PCNX4: variants seen among roughly 807,000 people sequenced by gnomAD.
PCNX4 encodes pecanex 4, also known as pecanex-like protein 4.
In PCNX4, 103 loss-of-function variants were observed where a neutral mutation model predicts 107.2. The ratio of observed to expected loss-of-function variants is 0.96; its 90% CI spans 0.82 to 1.13. The LOEUF (loss-of-function observed/expected upper bound fraction) is 1.13. PCNX4 is among the 50% of genes most tolerant of loss of function. PCNX4 has a pLI of 0.00. For synonymous variants in PCNX4, 541 were observed against 481.7 expected, an observed-to-expected ratio of 1.12 and a Z score of -1.61; for missense variants, 1,528 against 1,379.4, an observed-to-expected ratio of 1.11 and a Z score of -1.71.
At position 60,142,537 on chromosome 14, in the gene PCNX4, A is replaced by T. The variant is rs182048489; in HGVS notation, c.*8316A>T. 69 of 152,300 alleles carry T rather than the reference A, an allele frequency of 4.5e-4. No homozygotes were observed. The highest frequency in any genetic ancestry group is 3.4e-3 in the Middle Eastern group (1 of 294). The allele number at this position is 152,300 out of a possible 1,614,324, so 9.4% of individuals were successfully genotyped here. A position where few individuals can be genotyped will look rare whatever the true frequency, so the allele number is the denominator to read the frequency against. On this transcript the variant is annotated 3_prime_UTR_variant, in exon 11 of 11. Coordinates refer to ENST00000406854, the MANE Select transcript of PCNX4 (RefSeq NM_001330177.2). This position sits in a 1 kb window ranked among gnomAD's most constrained non-coding sequence, Gnocchi z 4.7. ...ATTGATGCCGAGTAATAAATACTTT[A>T]AAAAAAGTTAAATGTGAACATTTGG...
Position 60,128,276 on chromosome 14 carries a change from G to A in PCNX4, c.3267+2453G>A, listed in dbSNP as rs527558696. On this transcript the variant is annotated intron_variant, in intron 10 of 10. Transcript: ENST00000406854. Reference sequence around the variant, plus strand: ...CTTTAGAATAAATGCAAAGAGATCCGCAGGCAAATACATCATAGTAAAAAT... The same window carrying A: ...CTTTAGAATAAATGCAAAGAGATCCACAGGCAAATACATCATAGTAAAAAT... Among the ~76,000 whole-genome samples, 10 of 152,228 alleles carry A rather than the reference G, an allele frequency of 6.6e-5. No individual in the cohort carries two copies. The East Asian group carries it at 1.7e-3, about 26-fold the overall frequency.
intron 8 of PCNX4, 65 bp downstream of exon 8, chr14:60,121,364 G>A (rs1168005257): frequency 7.3e-6 from 11 of 1,500,856 alleles, no homozygotes; most frequent in Non-Finnish European, 9.1e-6. Context: ...TACCTGTTAT[G>A]TTCACATCAA....
In PCNX4 at chr14:60,115,835, GT is replaced by G; in HGVS notation, c.1458+19del. 1 of 1,601,456 alleles carries G rather than the reference GT, an allele frequency of 6.2e-7. No homozygotes were observed. The highest frequency in any genetic ancestry group is 1.3e-5 in the African/African-American group (1 of 74,604). On this transcript the variant is annotated intron_variant, in intron 5 of 10. Coordinates refer to ENST00000406854, the MANE Select transcript of PCNX4 (RefSeq NM_001330177.2). ...CTTTAGAATGGTAATCCTAATATGT[GT>G]TTAATAGTATTTTCCTATTGCTAAG...
At chr14:60,119,258 T>A (rs1439817599) in intron 7 of PCNX4, among the ~76,000 whole-genome samples, 1 of 152,214 alleles carries the variant, frequency 6.6e-6, no homozygotes, top group Non-Finnish European at 1.5e-5. Flanking sequence ...AGGTTTTTGA[T>A]GACAGTAAAC....
In PCNX4 at chr14:60,125,794, T is replaced by C. The variant is rs563198065; in HGVS notation, c.3238T>C (p.Leu1080=). ...KEAILQEKPY[L]FSLGYDSNMG... is the part of the protein sequence containing the mutation. ...AGCAATTTTACAAGAAAAGCCATAC[T>C]TGTTTTCTCTGGGGTATGATTCTAA... The change falls in exon 10 of 11, where the codon TTG becomes CTG. Residue 1080 remains leucine, a synonymous_variant. Transcript: ENST00000406854. 6.2e-7 allele frequency: 1 copy of C among 1,609,676 alleles called. No homozygotes were observed. The highest frequency in any genetic ancestry group is 8.5e-7 in the Non-Finnish European group (1 of 1,178,240).
rs746337395 is a variant in PCNX4 at position 60,144,988 on chromosome 14, A to C, written c.*10767A>C. On this transcript the variant is annotated 3_prime_UTR_variant, in exon 11 of 11. Coordinates refer to ENST00000406854, the MANE Select transcript of PCNX4 (RefSeq NM_001330177.2). ...TTTTCAGTCATGTTTTGTCTTAAAG[A>C]TTTTAAAATAAGAAGAGTCTGCATC... 1 of 1,602,576 alleles carries C rather than the reference A, an allele frequency of 6.2e-7. No homozygotes were observed. The highest frequency in any genetic ancestry group is 8.5e-7 in the Non-Finnish European group (1 of 1,176,864).
intron 1 of PCNX4, among the ~76,000 whole-genome samples, chr14:60,097,115 A>G (rs1030965265): frequency 2.6e-5 from 4 of 152,202 alleles, no homozygotes; most frequent in African/African-American, 7.2e-5. Context: ...AGTCCTATGA[A>G]CTGAAAACTA....
intron 1 of PCNX4, among the ~76,000 whole-genome samples, chr14:60,100,579 A>G (rs1454179918): frequency 1.3e-5 from 2 of 152,222 alleles, no homozygotes; most frequent in African/African-American, 2.4e-5. Context: ...GATTACAGGC[A>G]TGAGCCACCG....
At chr14:60,111,650 T>C (rs1048282812) in intron 2 of PCNX4, among the ~76,000 whole-genome samples, 3 of 152,196 alleles carry the variant, frequency 2.0e-5, no homozygotes, top group Admixed American at 6.5e-5. Context: ...CCTAGGTTCT[T>C]TAATTTTAAA....
At position 60,147,507 on chromosome 14, in the gene PCNX4, T is replaced by G. The variant is rs983087786; in HGVS notation, c.*13286T>G. ...ATACCTTAAATATATATAATTTTTATGTGTCAATTATAAAGAAAATCTTTG... is the reference window on the plus strand; with the variant it reads ...ATACCTTAAATATATATAATTTTTAGGTGTCAATTATAAAGAAAATCTTTG... On this transcript the variant is annotated 3_prime_UTR_variant, in exon 11 of 11. Transcript: ENST00000406854. The G allele has an allele frequency of 3.3e-5, 5 of 152,188 alleles. No homozygotes were observed. The highest frequency in any genetic ancestry group is 2.0e-4 in the Admixed American group (3 of 15,278). 9.4% of individuals were successfully genotyped at this position (152,188 alleles called of 1,614,324 possible). A position where few individuals can be genotyped will look rare whatever the true frequency, so the allele number is the denominator to read the frequency against.
chr14:60,115,618 G>A (rs892641284), intron 4 of PCNX4, 101 bp from the exon 5 acceptor site: 40 of 1,329,444 alleles, frequency 3.0e-5, no homozygotes, highest in African/African-American at 2.8e-4. Flanking sequence ...TTAGTTCATC[G>A]CTTAAATGTG....
At chr14:60,100,377 C>A (rs974297078) in intron 1 of PCNX4, among the ~76,000 whole-genome samples, 4 of 152,208 alleles carry the variant, frequency 2.6e-5, no homozygotes, top group African/African-American at 9.6e-5. Flanking sequence ...TGGCTCACTA[C>A]AACCTCTGTC....
intron 1 of PCNX4, among the ~76,000 whole-genome samples, chr14:60,095,854 A>G (rs1432793142): frequency 6.6e-6 from 1 of 152,080 alleles, no homozygotes; most frequent in Non-Finnish European, 1.5e-5. Context: ...GAAAAAATAT[A>G]TAGGGACCTA....
intron 2 of PCNX4, 148 bp downstream of exon 2, chr14:60,108,475 T>C (rs1895673906): frequency 1.7e-6 from 1 of 604,646 alleles, no homozygotes; most frequent in South Asian, 3.1e-5. Context: ...AATTATTCTT[T>C]TAGGATTAAT....
intron 2 of PCNX4, among the ~76,000 whole-genome samples, chr14:60,113,400 C>A (rs1168246458): frequency 2.0e-5 from 3 of 152,092 alleles, no homozygotes; most frequent in Non-Finnish European, 4.4e-5. Flanking sequence ...CAGAGTTTCG[C>A]TCTTGTTGCC....
Position 60,135,488 on chromosome 14 carries a change from G to A in PCNX4, c.*1267G>A, listed in dbSNP as rs1896227879. The A allele has an allele frequency of 6.6e-6, 1 of 151,718 alleles. No homozygotes were observed. Among genetic ancestry groups the A allele is most frequent in the Non-Finnish European group, 1.5e-5 (1 of 67,972 alleles). The allele number at this position is 151,718 out of a possible 1,614,324, so 9.4% of individuals were successfully genotyped here. A position where few individuals can be genotyped will look rare whatever the true frequency, so the allele number is the denominator to read the frequency against. On this transcript the variant is annotated 3_prime_UTR_variant, in exon 11 of 11. Transcript: ENST00000406854. ...TTTACATGATTGAGATTTGCTAGCT[G>A]TACACCTTTATATCTTTGTCATGTA...
rs191683397 is a variant in PCNX4 at position 60,119,050 on chromosome 14, G to A, written c.1942+358G>A. On this transcript the variant is annotated intron_variant, in intron 7 of 10. Transcript: ENST00000406854. ...AATGAGTTCATGTCAAGTAAATGCA[G>A]TAGCATACGTTCATAAAGTTTAGTG... Among the ~76,000 whole-genome samples the A allele has an allele frequency of 3.3e-4, 51 of 152,262 alleles. 1 individual carries two copies. The East Asian group carries it at 3.5e-3, about 10-fold the overall frequency.
intron 2 of PCNX4, among the ~76,000 whole-genome samples, chr14:60,113,096 G>A (rs1895770602): frequency 6.6e-6 from 1 of 152,110 alleles, no homozygotes; most frequent in Non-Finnish European, 1.5e-5. Context: ...CAGGAGAATC[G>A]CTTGAACCCG....
At position 60,136,579 on chromosome 14, in the gene PCNX4, C is replaced by A. The variant is rs1643867344; in HGVS notation, c.*2358C>A. 1 of 152,414 alleles carries A rather than the reference C, an allele frequency of 6.6e-6. No individual in the cohort carries two copies. The allele number at this position is 152,414 out of a possible 1,614,324, so 9.4% of individuals were successfully genotyped here. The stretch of plus-strand genomic sequence containing the variant: ...GAAAGACACACAGAGGGCAGCTTGA[C>A]AGCAAATGCAGACTTTATGTCTAGC... On this transcript the variant is annotated 3_prime_UTR_variant, in exon 11 of 11. Transcript: ENST00000406854.
Sources: gnomAD v4.1 joint callset for allele counts (sites outside exome capture counted in the v4.1 genomes callset) on GRCh38, gnomAD v4.1.1 for gene constraint, Gnocchi (gnomAD v3.1) non-coding constraint, MANE v1.5 for transcripts, NCBI Gene and HGNC (gene_info 2026-07-23, HGNC 2026-07-21) for gene names.